CASR: variants seen among roughly 807,000 people sequenced by gnomAD.
CASR encodes calcium sensing receptor.
Under a neutral mutation model 69.1 loss-of-function variants are expected in CASR, and 23 were observed. That is an observed-to-expected ratio of 0.33 (90% confidence interval 0.24 to 0.47). CASR has a LOEUF of 0.47. Among genes scored for constraint, CASR ranks in the 20% least tolerant of loss-of-function variants. The pLI, the probability that CASR is intolerant of heterozygous loss-of-function variation, is 1.00. For synonymous variants in CASR, 541 were observed against 544.7 expected, an observed-to-expected ratio of 0.99 and a Z score of 0.10; for missense variants, 924 against 1,356.1, an observed-to-expected ratio of 0.68 and a Z score of 5.00.
intron 1 of CASR, among the ~76,000 whole-genome samples, chr3:122,187,246 G>C (rs2073794731): frequency 1.3e-5 from 2 of 152,134 alleles, no homozygotes; most frequent in Non-Finnish European, 2.9e-5. Context: ...CCTAGCCACT[G>C]CTCTAATTGG....
chr3:122,231,460 T>C (rs2074277634), intron 1 of CASR, among the ~76,000 whole-genome samples: 1 of 152,246 alleles, frequency 6.6e-6, no homozygotes, highest in Non-Finnish European at 1.5e-5. Flanking sequence ...TTATGCTAAA[T>C]TCTTACAAGT....
At chr3:122,199,451 A>C (rs995243668) in intron 1 of CASR, among the ~76,000 whole-genome samples, 6 of 152,190 alleles carry the variant, frequency 3.9e-5, no homozygotes, top group African/African-American at 1.4e-4. Flanking sequence ...GTGTTTATTT[A>C]ATGTAAATGG....
intron 4 of CASR, among the ~76,000 whole-genome samples, chr3:122,270,017 T>C (rs1559962844): frequency 1.3e-5 from 2 of 152,054 alleles, no homozygotes; most frequent in African/African-American, 4.8e-5. Flanking sequence ...AATTTTTGTA[T>C]GTTTAGTAGA....
chr3:122,197,641 T>A (rs533676842), intron 1 of CASR, among the ~76,000 whole-genome samples: 46 of 152,218 alleles, frequency 3.0e-4, no homozygotes, highest in Non-Finnish European at 4.0e-4. Flanking sequence ...GTGTTTTGTT[T>A]GATCCAGTGT....
intron 2 of CASR, among the ~76,000 whole-genome samples, chr3:122,255,119 G>A (rs899189610): frequency 4.6e-5 from 7 of 152,018 alleles, no homozygotes; most frequent in East Asian, 1.9e-4. Flanking sequence ...TTCCAGACCC[G>A]TCATCATCCT....
intron 4 of CASR, among the ~76,000 whole-genome samples, chr3:122,272,123 ACAC>A (rs1425633417): frequency 1.4e-5 from 2 of 147,400 alleles, no homozygotes; most frequent in African/African-American, 5.0e-5. Context: ...ACACACACAC[ACAC>A]GAGTAGGATT....
At position 122,287,507 on chromosome 3, in the gene CASR, T is replaced by A. The variant is rs755954402; in HGVS notation, c.*2316T>A. On this transcript the variant is annotated 3_prime_UTR_variant, in exon 7 of 7. Coordinates refer to ENST00000639785, the MANE Select transcript of CASR (RefSeq NM_000388.4). The stretch of plus-strand genomic sequence containing the variant: ...AACTTCATCTTAGTCGAATCGGGGT[T>A]TTCACAGTAACCTCAGTGTTTTCTG... 2 of 152,244 alleles carry A rather than the reference T, an allele frequency of 1.3e-5. No individual in the cohort carries two copies. The highest frequency in any genetic ancestry group is 2.9e-5 in the Non-Finnish European group (2 of 68,050). 9.4% of individuals were successfully genotyped at this position (152,244 alleles called of 1,614,324 possible). A position where few individuals can be genotyped will look rare whatever the true frequency, so the allele number is the denominator to read the frequency against.
chr3:122,254,965 C>T (rs922175085), intron 2 of CASR, among the ~76,000 whole-genome samples: 1 of 151,308 alleles, frequency 6.6e-6, no homozygotes, highest in Non-Finnish European at 1.5e-5. Flanking sequence ...CCTCCCCACC[C>T]CCCATCCACC....
chr3:122,206,390 T>C (rs1488686240), intron 1 of CASR, among the ~76,000 whole-genome samples: 2 of 152,088 alleles, frequency 1.3e-5, no homozygotes, highest in Non-Finnish European at 2.9e-5. Context: ...TTGATTTGAG[T>C]ATGTGGAACC....
intron 1 of CASR, among the ~76,000 whole-genome samples, chr3:122,197,539 G>A (rs1351014846): frequency 6.6e-6 from 1 of 152,008 alleles, no homozygotes; most frequent in Non-Finnish European, 1.5e-5. Flanking sequence ...AAGCATTTCT[G>A]TAGACACAAC....
chr3:122,190,830 T>G (rs1028404867), intron 1 of CASR, among the ~76,000 whole-genome samples: 1 of 152,228 alleles, frequency 6.6e-6, no homozygotes, highest in Non-Finnish European at 1.5e-5. Flanking sequence ...TCCCAGAACA[T>G]GTCAGGAGAT....
At chr3:122,261,064 T>C (rs970108485) in intron 3 of CASR, among the ~76,000 whole-genome samples, 1 of 152,146 alleles carries the variant, frequency 6.6e-6, no homozygotes, top group African/African-American at 2.4e-5. Context: ...ATGAACAAAG[T>C]GTTTATTGCA....
At chr3:122,282,040 T>C in intron 5 of CASR, 73 bp from the exon 6 acceptor site, 2 of 1,609,732 alleles carry the variant, frequency 1.2e-6, no homozygotes, top group Non-Finnish European at 1.7e-6. Context: ...TCTTACATGT[T>C]TTGAAGAGAC....
intron 6 of CASR, 98 bp from the exon 7 acceptor site, chr3:122,283,589 C>T (rs1460916527): frequency 5.3e-6 from 5 of 935,104 alleles, no homozygotes; most frequent in Non-Finnish European, 8.7e-6. Flanking sequence ...ATGTAGTGAC[C>T]ACATCCAAAA....
At chr3:122,220,726 C>T (rs1270033235) in intron 1 of CASR, among the ~76,000 whole-genome samples, 1 of 152,212 alleles carries the variant, frequency 6.6e-6, no homozygotes, top group African/African-American at 2.4e-5. Context: ...GTAATTCCAG[C>T]ACTTTGCGAG....
chr3:122,252,648 C>T (rs1240713387), intron 1 of CASR, among the ~76,000 whole-genome samples: 1 of 151,474 alleles, frequency 6.6e-6, no homozygotes, highest in Non-Finnish European at 1.5e-5. Flanking sequence ...GTAGAATCTA[C>T]AGGGCTTAGG....
intron 1 of CASR, among the ~76,000 whole-genome samples, chr3:122,197,496 A>G (rs1456062758): frequency 2.0e-5 from 3 of 152,158 alleles, no homozygotes; most frequent in Non-Finnish European, 4.4e-5. Context: ...CAGTGTTCCC[A>G]TTTTATATTT....
chr3:122,212,551 G>A (rs772183579), intron 1 of CASR, among the ~76,000 whole-genome samples: 5 of 151,816 alleles, frequency 3.3e-5, no homozygotes, highest in Admixed American at 6.6e-5. Context: ...CATGTATACC[G>A]GAACTTAAAA....
chr3:122,278,662 TC>T (rs2074850877), intron 5 of CASR, among the ~76,000 whole-genome samples: 1 of 152,208 alleles, frequency 6.6e-6, no homozygotes, highest in South Asian at 2.1e-4. Context: ...TCTCTTTAGC[TC>T]ATGGTTGCTG....
Sources: allele counts gnomAD v4.1 joint callset (sites outside exome capture counted in the v4.1 genomes callset), GRCh38; gene constraint gnomAD v4.1.1; transcripts MANE v1.5; gene names NCBI Gene and HGNC (gene_info 2026-07-23, HGNC 2026-07-21).